The following ENO3 variants were observed in gnomAD, a reference collection of about 807,000 sequenced individuals.
ENO3 encodes the protein enolase 3.
In ENO3, 46 loss-of-function variants were observed where a neutral mutation model predicts 47.7. The ratio of observed to expected loss-of-function variants is 0.96; its 90% confidence interval spans 0.76 to 1.23. The LOEUF (loss-of-function observed/expected upper bound fraction) is 1.23. Ranked by LOEUF, ENO3 falls within the 50% of genes most tolerant of loss-of-function variation. The pLI is 0.00. For missense variants in ENO3, 575 were observed against 566.2 expected, an observed-to-expected ratio of 1.02 and a Z score of -0.16; for synonymous variants, 223 against 225.9, an observed-to-expected ratio of 0.99 and a Z score of 0.11.
chr17:4,957,051 G>A lies in ENO3; in HGVS notation c.*4G>A. On this transcript the variant is annotated 3_prime_UTR_variant, in exon 12 of 12. Transcript: ENST00000519602. The stretch of plus-strand genomic sequence containing the variant: ...CCGTAACCCGAAGGCCAAGTGAGAA[G>A]CTGGAGGCTCCAGGACTCCACTGGA... The A allele has an allele frequency of 6.2e-7, 1 of 1,614,078 alleles. No homozygotes were observed. Among genetic ancestry groups the A allele is most frequent in the East Asian group, 2.2e-5 (1 of 44,886 alleles).
chr17:4,954,653 G>A (rs1210969892), intron 6 of ENO3, among the ~76,000 whole-genome samples: 10 of 152,148 alleles, frequency 6.6e-5, no homozygotes, highest in South Asian at 2.1e-4. Flanking sequence ...AGTGGCTCAC[G>A]CCTGTAATCC....
chr17:4,956,245 C>G lies in ENO3; in HGVS notation c.1067+102C>G, dbSNP rs142062722. 7.3e-6 allele frequency: 10 copies of G among 1,379,208 alleles called. No individual in the cohort carries two copies. The East Asian group carries it at 2.5e-4, about 34-fold the overall frequency. 85.4% of individuals were successfully genotyped at this position (1,379,208 alleles called of 1,614,324 possible). A position where few individuals can be genotyped will look rare whatever the true frequency, so the allele number is the denominator to read the frequency against. ...CCACCAACTCCAAGCTTACCTTTCC[C>G]CTGGCACCTGACTTACCCACACCTT... On this transcript the variant is annotated intron_variant, in intron 9 of 11. Transcript: ENST00000519602.
chr17:4,952,831 C>T lies in ENO3; in HGVS notation c.122C>T (p.Thr41Met), dbSNP rs767296674. Reference sequence around the variant, plus strand: ...GCAGCTGTGCCCAGTGGGGCTTCCACGGGTATCTATGAGGCTCTGGAACTA... The same window carrying T: ...GCAGCTGTGCCCAGTGGGGCTTCCATGGGTATCTATGAGGCTCTGGAACTA... ...FRAAVPSGAS[T>M]GIYEALELRD... The change falls in exon 3 of 12, where the codon ACG becomes ATG. Residue 41 changes from threonine (T) to methionine (M), a missense_variant. Thr to Met is a moderately conservative substitution (Grantham distance 81). Coordinates refer to ENST00000519602, the MANE Select transcript of ENO3 (RefSeq NM_053013.4). The T allele has an allele frequency of 1.6e-5, 26 of 1,611,742 alleles. No individual in the cohort carries two copies. Among genetic ancestry groups the T allele is most frequent in the South Asian group, 3.3e-5 (3 of 90,606 alleles).
At chr17:4,950,811 T>C (rs1971518852), upstream of ENO3, among the ~76,000 whole-genome samples, 1 of 152,132 alleles carries the variant, frequency 6.6e-6, no homozygotes, top group Non-Finnish European at 1.5e-5. Flanking sequence ...CTCATTCCTC[T>C]TGACGTTTGC....
chr17:4,950,505 C>A, upstream of ENO3: 1 of 948,418 alleles, frequency 1.1e-6, no homozygotes, highest in Non-Finnish European at 1.3e-6. Context: ...ATCAGTCGGG[C>A]GCCTTGCCAG....
intron 1 of ENO3, 59 bp downstream of exon 1, chr17:4,951,241 C>T: frequency 2.0e-6 from 2 of 1,007,238 alleles, no homozygotes; most frequent in Non-Finnish European, 2.4e-6. Context: ...ATGGTATTGG[C>T]TTGGAGGAAG....
At position 4,953,774 on chromosome 17, in the gene ENO3, G is replaced by A. The variant is rs1971627979; in HGVS notation, c.373G>A (p.Glu125Lys). 1 of 1,614,226 alleles carries A rather than the reference G, an allele frequency of 6.2e-7. No homozygotes were observed. The highest frequency in any genetic ancestry group is 1.1e-5 in the South Asian group (1 of 91,088). ...SLAVCKAGAAEKGVPLYRHIA... is the reference protein window; with the variant it reads ...SLAVCKAGAAKKGVPLYRHIA... ...GGCCGTGTGTAAGGCGGGAGCAGCT[G>A]AGAAGGGGGTCCCCCTGTACCGCCA... Residue 125 changes from glutamate to lysine, a missense_variant, in exon 6 of 12, where the codon GAG becomes AAG. Physicochemically the swap from Glu to Lys is moderately conservative, Grantham distance 56. Coordinates refer to ENST00000519602, the MANE Select transcript of ENO3 (RefSeq NM_053013.4).
In ENO3 at chr17:4,956,118, G is replaced by A. The variant is rs748434791; in HGVS notation, c.1042G>A (p.Gly348Ser). The change falls in exon 9 of 12, where the codon GGC (glycine) becomes AGC (serine). Residue 348 changes from glycine to serine, a missense_variant. Coordinates refer to ENST00000519602, the MANE Select transcript of ENO3 (RefSeq NM_053013.4). ...NCLLLKVNQI[G>S]SVTESIQACK... Reference sequence around the variant, plus strand: ...TCTGCTGCTGAAGGTCAACCAGATCGGCTCGGTGACCGAATCGATCCAGGC... The same window carrying A: ...TCTGCTGCTGAAGGTCAACCAGATCAGCTCGGTGACCGAATCGATCCAGGC... The A allele has an allele frequency of 6.8e-6, 11 of 1,613,818 alleles. No homozygotes were observed. The highest frequency in any genetic ancestry group is 2.2e-5 in the East Asian group (1 of 44,876).
Position 4,955,315 on chromosome 17 carries a change from T to A in ENO3, c.667+18T>A. 6.2e-7 allele frequency: 1 copy of A among 1,614,108 alleles called. No homozygotes were observed. Among genetic ancestry groups the A allele is most frequent in the Non-Finnish European group, 8.5e-7 (1 of 1,179,978 alleles). Reference sequence around the variant, plus strand: ...CAATGAGGGTCAGTGCTGAGCACCCTGGGGGGCAGACCCCCTGGATCTCCA... The same window carrying A: ...CAATGAGGGTCAGTGCTGAGCACCCAGGGGGGCAGACCCCCTGGATCTCCA... On this transcript the variant is annotated intron_variant, in intron 7 of 11. Transcript: ENST00000519602.
intron 2 of ENO3, 117 bp from the exon 3 acceptor site, chr17:4,952,678 T>C (rs1971577888): frequency 2.9e-6 from 3 of 1,036,972 alleles, no homozygotes; most frequent in African/African-American, 1.6e-5. Flanking sequence ...GCCAGGCTGG[T>C]CTTGAACTCC....
At chr17:4,951,793 A>G (rs1044367133) in intron 1 of ENO3, 35 bp from the exon 2 acceptor site, 4 of 1,606,338 alleles carry the variant, frequency 2.5e-6, no homozygotes, top group East Asian at 2.2e-5. Flanking sequence ...TAAGAGATCA[A>G]CTGTCTACAC....
At position 4,955,007 on chromosome 17, in the gene ENO3, C is replaced by A. The variant is rs1256530580; in HGVS notation, c.445-68C>A. On this transcript the variant is annotated intron_variant, in intron 6 of 11. Coordinates refer to ENST00000519602, the MANE Select transcript of ENO3 (RefSeq NM_053013.4). The stretch of plus-strand genomic sequence containing the variant: ...GAAGCCAGGTTTCCACCCCAACACC[C>A]CCCGCCCCTGTCCCTTCTTGAGCTC... The A allele has an allele frequency of 2.7e-6, 4 of 1,486,790 alleles. No individual in the cohort carries two copies. In the African/African-American group the frequency reaches 5.5e-5, roughly 21 times the overall value. The allele number at this position is 1,486,790 out of a possible 1,614,324, so 92.1% of individuals were successfully genotyped here.
At position 4,953,047 on chromosome 17, in the gene ENO3, C is replaced by G. The variant is rs1184351540; in HGVS notation, c.182-4C>G. On this transcript the variant is annotated splice_polypyrimidine_tract_variant and splice_region_variant and intron_variant, in intron 3 of 11. Coordinates refer to ENST00000519602, the MANE Select transcript of ENO3 (RefSeq NM_053013.4). Reference sequence around the variant, plus strand: ...CTCCAAAACTCATCCTCTGGCCTGTCTAGGAGTCCTGAAGGCTGTGGAGAA... The same window carrying G: ...CTCCAAAACTCATCCTCTGGCCTGTGTAGGAGTCCTGAAGGCTGTGGAGAA... The G allele has an allele frequency of 1.2e-6, 2 of 1,614,102 alleles. No homozygotes were observed. The highest frequency in any genetic ancestry group is 1.7e-6 in the Non-Finnish European group (2 of 1,180,040).
At chr17:4,951,786 G>A in intron 1 of ENO3, 42 bp from the exon 2 acceptor site, 1 of 1,597,792 alleles carries the variant, frequency 6.3e-7, no homozygotes. Context: ...GGTTCCTTAA[G>A]AGATCAACTG....
intron 5 of ENO3, 149 bp from the exon 6 acceptor site, chr17:4,953,563 G>C (rs1010490103): frequency 6.7e-7 from 1 of 1,487,862 alleles, no homozygotes; most frequent in East Asian, 2.3e-5. Context: ...CCCCGGGGTG[G>C]GGGTTCCCAG....
intron 1 of ENO3, 182 bp downstream of exon 1, chr17:4,951,364 T>A: frequency 1.1e-6 from 1 of 898,428 alleles, no homozygotes. Context: ...CCGAAGGATC[T>A]AGGGAAAGGA....
In ENO3 at chr17:4,955,291, A is replaced by C. The variant is rs945749355; in HGVS notation, c.661A>C (p.Asn221His). 3.1e-6 allele frequency: 5 copies of C among 1,614,156 alleles called. No homozygotes were observed. The highest frequency in any genetic ancestry group is 2.5e-6 in the Non-Finnish European group (3 of 1,180,040). The stretch of plus-strand genomic sequence containing the variant: ...CTTCGCACCCAACATCCTGGAGAAC[A>C]ATGAGGGTCAGTGCTGAGCACCCTG... ...GGFAPNILEN[N>H]EALELLKTAI... Residue 221 changes from asparagine to histidine, a missense_variant, in exon 7 of 12, where the codon AAT becomes CAT. Asn to His is a moderately conservative substitution (Grantham distance 68). Transcript: ENST00000519602.
upstream of ENO3, chr17:4,951,062 G>A (rs555482993): frequency 1.0e-6 from 1 of 986,108 alleles, no homozygotes. Context: ...GAGAGGCGGG[G>A]CTGGCTGGGG....
rs1384285800 is a variant in ENO3 at position 4,955,270 on chromosome 17, G to A, written c.640G>A (p.Ala214Thr). The change falls in exon 7 of 12, where the codon GCA (alanine) becomes ACA (threonine). Residue 214 changes from alanine (A) to threonine (T), a missense_variant. By Grantham distance (58) the Ala-to-Thr change is moderately conservative. Transcript: ENST00000519602. Reference protein sequence around the residue: ...ATNVGDEGGFAPNILENNEAL... With the variant: ...ATNVGDEGGFTPNILENNEAL... The stretch of plus-strand genomic sequence containing the variant: ...CAATGTGGGTGATGAAGGTGGCTTC[G>A]CACCCAACATCCTGGAGAACAATGA... The A allele has an allele frequency of 9.9e-6, 16 of 1,614,250 alleles. No individual in the cohort carries two copies. The highest frequency in any genetic ancestry group is 2.2e-5 in the East Asian group (1 of 44,878).
Sources: gnomAD v4.1 joint callset for allele counts (sites outside exome capture counted in the v4.1 genomes callset) on GRCh38, gnomAD v4.1.1 for gene constraint, MANE v1.5 for transcripts, NCBI Gene and HGNC (gene_info 2026-07-23, HGNC 2026-07-21) for gene names.